Variants in UHRF2 observed in about 807,000 individuals in gnomAD.
UHRF2 encodes the protein ubiquitin like with PHD and ring finger domains 2.
UHRF2 carries 23 observed loss-of-function variants against 96.8 expected under a neutral mutation model. That is an observed-to-expected ratio of 0.24 (90% CI 0.17 to 0.34). UHRF2 has a LOEUF of 0.34. Among genes scored for constraint, UHRF2 ranks in the 10% least tolerant of loss-of-function variants. The pLI, the probability that UHRF2 is intolerant of heterozygous loss-of-function variation, is 1.00. For missense variants in UHRF2, 685 were observed against 981.5 expected, an observed-to-expected ratio of 0.70 and a Z score of 4.04; for synonymous variants, 385 against 332.6, an observed-to-expected ratio of 1.16 and a Z score of -1.72.
At chr9:6,471,643 A>G (rs764899403) in intron 4 of UHRF2, among the ~76,000 whole-genome samples, 26 of 152,246 alleles carry the variant, frequency 1.7e-4, no homozygotes, top group South Asian at 2.1e-4. Context: ...CCCCTGACCA[A>G]TGGCTTAACT....
intron 2 of UHRF2, among the ~76,000 whole-genome samples, chr9:6,426,196 C>G (rs1404863531): frequency 6.6e-6 from 1 of 152,168 alleles, no homozygotes; most frequent in Non-Finnish European, 1.5e-5. Context: ...CTCAGGAGGT[C>G]TTTGCTTTTT....
intron 1 of UHRF2, among the ~76,000 whole-genome samples, chr9:6,418,228 C>T (rs1387558529): frequency 1.4e-5 from 2 of 147,920 alleles, no homozygotes; most frequent in African/African-American, 5.0e-5. Flanking sequence ...GTTTTTTTCC[C>T]TCCACGGGAG....
intron 3 of UHRF2, among the ~76,000 whole-genome samples, chr9:6,448,958 G>A (rs1821688148): frequency 6.6e-6 from 1 of 152,206 alleles, no homozygotes; most frequent in South Asian, 2.1e-4. Context: ...CGCAGAACAA[G>A]CAGTATCATG....
chr9:6,442,076 T>A (rs35301257), intron 3 of UHRF2, among the ~76,000 whole-genome samples: 4,684 of 152,234 alleles, frequency 0.031, 119 homozygotes, highest in Middle Eastern at 0.061. Context: ...ACAATTCTCA[T>A]GCCTTAGCCT....
At chr9:6,501,718 A>G (rs1159717990) in intron 14 of UHRF2, among the ~76,000 whole-genome samples, 1 of 152,242 alleles carries the variant, frequency 6.6e-6, no homozygotes, top group Non-Finnish European at 1.5e-5. Flanking sequence ...GTTTACTTGT[A>G]TTTTAGCCAA....
chr9:6,496,272 G>A (rs1440732901), intron 10 of UHRF2: 1 of 152,116 alleles, frequency 6.6e-6, no homozygotes, highest in Non-Finnish European at 1.5e-5. Context: ...TAAACCTTAA[G>A]TGTTCTCAGT....
chr9:6,492,242 A>C, intron 9 of UHRF2: 1 of 729,744 alleles, frequency 1.4e-6, no homozygotes, highest in East Asian at 6.8e-5. Flanking sequence ...CATTTGTCTT[A>C]TTATGCTCTC....
intron 10 of UHRF2, chr9:6,494,856 T>C (rs1038045728): frequency 6.6e-6 from 1 of 152,216 alleles, no homozygotes. Context: ...CTTTCATGCG[T>C]ATCAATTTAC....
rs1264506631 is a variant in UHRF2, at chr9:6,426,537, A to G, written c.384+5395A>G. On this transcript the variant is annotated intron_variant, in intron 2 of 15. Coordinates refer to ENST00000276893, the MANE Select transcript of UHRF2 (RefSeq NM_152896.3). The stretch of plus-strand genomic sequence containing the variant: ...ACTTTTTGGGGGATGAACCTTAGTA[A>G]TTGTCATAGGTATTTGAAATTTTGA... Among the ~76,000 whole-genome samples the G allele has an allele frequency of 3.9e-5, 6 of 152,278 alleles. No homozygotes were observed. The East Asian group carries it at 1.2e-3, about 29-fold the overall frequency.
intron 4 of UHRF2, among the ~76,000 whole-genome samples, chr9:6,474,728 T>A (rs1247893828): frequency 6.6e-6 from 1 of 151,764 alleles, no homozygotes; most frequent in Non-Finnish European, 1.5e-5. Context: ...AACAAACAAA[T>A]AAATAAATGG....
At chr9:6,494,165 T>C (rs1824834283) in intron 10 of UHRF2, 1 of 401,028 alleles carries the variant, frequency 2.5e-6, no homozygotes, top group African/African-American at 2.1e-5. Context: ...GATATGCATT[T>C]GAAAATGTTA....
rs1352366350 is a variant in UHRF2 at position 6,424,781 on chromosome 9, T to TG, written c.384+3639_384+3640insG. On this transcript the variant is annotated intron_variant, in intron 2 of 15. Coordinates refer to ENST00000276893, the MANE Select transcript of UHRF2 (RefSeq NM_152896.3). ...GACTGTGACAATTTCTCAGGATTTTTTTTTTTTTTTTTCAATTACCGTGAC... is the reference window on the plus strand; with the variant it reads ...GACTGTGACAATTTCTCAGGATTTTTGTTTTTTTTTTTTCAATTACCGTGAC... Among the ~76,000 whole-genome samples the TG allele has an allele frequency of 5.0e-3, 753 of 151,822 alleles. 2 individuals carry two copies. The highest frequency in any genetic ancestry group is 0.017 in the African/African-American group (710 of 41,374).
chr9:6,458,931 G>C (rs1468771383), intron 3 of UHRF2, among the ~76,000 whole-genome samples: 2 of 152,136 alleles, frequency 1.3e-5, no homozygotes, highest in South Asian at 4.1e-4. Context: ...CATAGATCAA[G>C]CTGGAAACCA....
chr9:6,440,375 A>G (rs1391436010), intron 3 of UHRF2, among the ~76,000 whole-genome samples: 1 of 152,216 alleles, frequency 6.6e-6, no homozygotes, highest in African/African-American at 2.4e-5. Flanking sequence ...GAAACCAAGG[A>G]TTAATTATAT....
At chr9:6,460,118 C>G (rs1361159887) in intron 3 of UHRF2, among the ~76,000 whole-genome samples, 1 of 152,250 alleles carries the variant, frequency 6.6e-6, no homozygotes, top group East Asian at 1.9e-4. Flanking sequence ...GAAGTCAAAT[C>G]ATGAGTGTAT....
intron 6 of UHRF2, among the ~76,000 whole-genome samples, chr9:6,479,978 A>T (rs1823826735): frequency 1.3e-5 from 2 of 152,216 alleles, no homozygotes; most frequent in South Asian, 4.1e-4. Context: ...GGCCTGAATT[A>T]GATCATTCAT....
chr9:6,427,458 A>C (rs1009425209), intron 2 of UHRF2, among the ~76,000 whole-genome samples: 2 of 152,126 alleles, frequency 1.3e-5, no homozygotes, highest in East Asian at 3.9e-4. Flanking sequence ...AGGTCGAGGC[A>C]GGCAGAGCAC....
At chr9:6,481,592 G>A in intron 6 of UHRF2, 51 bp from the exon 7 acceptor site, 1 of 1,589,182 alleles carries the variant, frequency 6.3e-7, no homozygotes, top group Non-Finnish European at 8.5e-7. Flanking sequence ...TCTGTTACTA[G>A]CTTTAATATG....
chr9:6,426,383 C>T (rs539530090), intron 2 of UHRF2, among the ~76,000 whole-genome samples: 1 of 152,200 alleles, frequency 6.6e-6, no homozygotes, highest in South Asian at 2.1e-4. Context: ...GTAAATCTTA[C>T]ATTAAGGTTC....
Sources: allele counts gnomAD v4.1 joint callset (sites outside exome capture counted in the v4.1 genomes callset), GRCh38; gene constraint gnomAD v4.1.1; transcripts MANE v1.5; gene names NCBI Gene and HGNC (gene_info 2026-07-23, HGNC 2026-07-21).